ZFHX3: variants seen among roughly 807,000 people sequenced by gnomAD.
ZFHX3 encodes zinc finger homeobox protein 3.
ZFHX3 carries 42 observed loss-of-function variants against 279.1 expected under a neutral mutation model. The ratio of observed to expected loss-of-function variants is 0.15; its 90% confidence interval spans 0.12 to 0.19. ZFHX3 has a LOEUF of 0.19. Ranked by LOEUF, ZFHX3 falls within the 10% of genes least tolerant of loss-of-function variation. The pLI is 1.00. For synonymous variants in ZFHX3, 2,293 were observed against 1,957.8 expected, an observed-to-expected ratio of 1.17 and a Z score of -4.52; for missense variants, 4,981 against 4,754.0, an observed-to-expected ratio of 1.05 and a Z score of -1.40.
intron 1 of ZFHX3, among the ~76,000 whole-genome samples, chr16:73,720,355 A>G (rs2053462738): frequency 6.6e-6 from 1 of 152,210 alleles, no homozygotes; most frequent in African/African-American, 2.4e-5. Context: ...TTACCTATAG[A>G]TGTATGTATG....
At chr16:73,609,004 T>C (rs2052218989) in intron 2 of ZFHX3, 1 of 152,170 alleles carries the variant, frequency 6.6e-6, no homozygotes, top group Admixed American at 6.5e-5. Flanking sequence ...GTTGCAGCAG[T>C]AGTGACTGAC....
rs1195740808 is a variant in ZFHX3, at chr16:73,291,110, A to C, written c.-1194+27130T>G. On this transcript the variant is annotated intron_variant, in intron 4 of 17. Coordinates refer to the ZFHX3 transcript ENST00000641206. ...ACTAAACCCCACAGCACAGAAGTGC[A>C]GTTTGTGAAGCTGATGACCAAGTGC... Among the ~76,000 whole-genome samples, 3 of 152,214 alleles carry C rather than the reference A, an allele frequency of 2.0e-5. No homozygotes were observed. In the East Asian group the frequency reaches 5.8e-4, roughly 29 times the overall value.
At chr16:73,542,605 T>C (rs1270392847) in intron 2 of ZFHX3, among the ~76,000 whole-genome samples, 1 of 152,208 alleles carries the variant, frequency 6.6e-6, no homozygotes, top group Non-Finnish European at 1.5e-5. Context: ...TATCATTATC[T>C]TCATTTGATA....
intron 2 of ZFHX3, among the ~76,000 whole-genome samples, chr16:73,588,001 G>A (rs533462968): frequency 6.6e-6 from 1 of 152,258 alleles, no homozygotes; most frequent in African/African-American, 2.4e-5. Context: ...CACACAGTGG[G>A]CCACAAACGG....
intron 4 of ZFHX3, among the ~76,000 whole-genome samples, chr16:72,838,293 A>T (rs1201249247): frequency 6.6e-6 from 1 of 152,176 alleles, no homozygotes; most frequent in Non-Finnish European, 1.5e-5. Context: ...TGTTTACAGA[A>T]ACAAGAAAAA....
chr16:73,587,936 C>T (rs2143835347), intron 2 of ZFHX3, among the ~76,000 whole-genome samples: 1 of 152,226 alleles, frequency 6.6e-6, no homozygotes, highest in East Asian at 1.9e-4. Context: ...ATACCAACCA[C>T]AGAACAGAAT....
intron 2 of ZFHX3, among the ~76,000 whole-genome samples, chr16:73,655,246 G>C (rs923537434): frequency 6.6e-6 from 1 of 152,168 alleles, no homozygotes; most frequent in Non-Finnish European, 1.5e-5. Context: ...GAAAAGATAA[G>C]GATATTCATT....
At chr16:72,892,238 C>A (rs1362402988) in intron 3 of ZFHX3, among the ~76,000 whole-genome samples, 10 of 152,170 alleles carry the variant, frequency 6.6e-5, no homozygotes, top group Non-Finnish European at 1.3e-4. Flanking sequence ...CATAAACTGG[C>A]TAAAGTATCC....
chr16:72,957,217 T>C (rs566466247), intron 2 of ZFHX3, among the ~76,000 whole-genome samples: 2 of 152,332 alleles, frequency 1.3e-5, no homozygotes, highest in South Asian at 2.1e-4. Flanking sequence ...AGTACAAGCA[T>C]ATCTCTTTTG....
intron 7 of ZFHX3, among the ~76,000 whole-genome samples, chr16:73,128,747 G>T (rs1300420913): frequency 1.3e-5 from 2 of 152,056 alleles, no homozygotes; most frequent in Non-Finnish European, 2.9e-5. Flanking sequence ...ATCCTTCTCC[G>T]CTTGTTCCCC....
chr16:73,019,373 T>C (rs1159070061), intron 1 of ZFHX3, among the ~76,000 whole-genome samples: 2 of 151,716 alleles, frequency 1.3e-5, no homozygotes, highest in Non-Finnish European at 2.9e-5. Context: ...TGTGTGCGTG[T>C]GCGTGTGCGT....
chr16:73,535,388 T>C (rs1293609999), intron 2 of ZFHX3, among the ~76,000 whole-genome samples: 1 of 152,206 alleles, frequency 6.6e-6, no homozygotes, highest in African/African-American at 2.4e-5. Context: ...TGGGAGCTGG[T>C]ATGAGGAGAG....
intron 1 of ZFHX3, among the ~76,000 whole-genome samples, chr16:73,876,779 C>T (rs1317135922): frequency 6.6e-6 from 1 of 152,118 alleles, no homozygotes; most frequent in African/African-American, 2.4e-5. Context: ...TGTAAAACAA[C>T]CCCCTAGAAG....
intron 3 of ZFHX3, among the ~76,000 whole-genome samples, chr16:73,358,152 G>T (rs564214549): frequency 6.6e-6 from 1 of 152,208 alleles, no homozygotes; most frequent in African/African-American, 2.4e-5. Context: ...TGCTTTGTAC[G>T]GATTTGTGCT....
intron 8 of ZFHX3, among the ~76,000 whole-genome samples, chr16:73,065,521 T>C (rs1965737321): frequency 6.6e-6 from 1 of 150,964 alleles, no homozygotes; most frequent in Admixed American, 6.6e-5. Context: ...GCGAGGGAAA[T>C]CTTTGAAATG....
intron 1 of ZFHX3, among the ~76,000 whole-genome samples, chr16:73,002,388 G>A (rs1008529593): frequency 4.6e-5 from 7 of 152,212 alleles, no homozygotes; most frequent in African/African-American, 1.7e-4. Flanking sequence ...ACAAAGTGAC[G>A]AGATAGAGAA....
At chr16:73,331,783 A>G (rs542314805) in intron 3 of ZFHX3, among the ~76,000 whole-genome samples, 2 of 152,282 alleles carry the variant, frequency 1.3e-5, no homozygotes, top group South Asian at 4.1e-4. Context: ...AAAACAATAG[A>G]GGGGTTGGAT....
chr16:73,355,142 T>C lies in ZFHX3; in HGVS notation c.-1290-36806A>G, dbSNP rs112754700. ...TTAGGAGCCAGCTTCCATTCAACCT[T>C]GAACCGAGATTCCATCTTTGTGGAG... On this transcript the variant is annotated intron_variant, in intron 3 of 17. Coordinates refer to the ZFHX3 transcript ENST00000641206. 3.8e-4 allele frequency among the ~76,000 whole-genome samples: 58 copies of C among 152,312 alleles called. No individual in the cohort carries two copies. The Middle Eastern group carries it at 0.014, about 36-fold the overall frequency.
chr16:73,500,456 T>C (rs2019216805), intron 2 of ZFHX3, among the ~76,000 whole-genome samples: 1 of 151,846 alleles, frequency 6.6e-6, no homozygotes, highest in Non-Finnish European at 1.5e-5. Context: ...GCCTCCTGAG[T>C]AGCTGGGACT....
Sources: allele counts gnomAD v4.1 joint callset (sites outside exome capture counted in the v4.1 genomes callset), GRCh38; gene constraint gnomAD v4.1.1; transcripts MANE v1.5; gene names NCBI Gene and HGNC (gene_info 2026-07-23, HGNC 2026-07-21).